The following FGB variants were observed in gnomAD, a reference collection of about 807,000 sequenced individuals.
FGB encodes the protein beta-fibrinogen.
A neutral mutation model predicts 57.9 loss-of-function variants in FGB; 25 were observed. The ratio of observed to expected loss-of-function variants is 0.43; its 90% CI spans 0.31 to 0.60. FGB has a LOEUF of 0.60. Ranked by LOEUF, FGB falls within the 20% of genes least tolerant of loss-of-function variation. The pLI is 0.08. For missense variants in FGB, 536 were observed against 598.4 expected, an observed-to-expected ratio of 0.90 and a Z score of 1.09; for synonymous variants, 203 against 199.2, an observed-to-expected ratio of 1.02 and a Z score of -0.16.
chr4:154,565,738 G>A (rs1340710420), intron 1 of FGB, 70 bp from the exon 2 acceptor site: 2 of 1,418,824 alleles, frequency 1.4e-6, no homozygotes, highest in Non-Finnish European at 2.0e-6. Flanking sequence ...ATAAAATGAG[G>A]GTGTTGGAAT....
At position 154,570,860 on chromosome 4, in the gene FGB, A is replaced by G; in HGVS notation, c.*210A>G. 1 of 596,628 alleles carries G rather than the reference A, an allele frequency of 1.7e-6. No homozygotes were observed. Among genetic ancestry groups the G allele is most frequent in the Admixed American group, 2.7e-5 (1 of 36,446 alleles). 37.0% of individuals were successfully genotyped at this position (596,628 alleles called of 1,614,324 possible). A position where few individuals can be genotyped will look rare whatever the true frequency, so the allele number is the denominator to read the frequency against. ...TTCTCTTGCTCACCAAGAAGTAACA[A>G]AAGTATAGTTTTGACAGAGTTGGTG... On this transcript the variant is annotated 3_prime_UTR_variant, in exon 8 of 8. Transcript: ENST00000302068.
At chr4:154,569,859 C>A in intron 7 of FGB, 60 bp downstream of exon 7, 1 of 1,586,380 alleles carries the variant, frequency 6.3e-7, no homozygotes. Flanking sequence ...TACTCAGAAT[C>A]ATTAACAATA....
Position 154,572,200 on chromosome 4 carries a change from C to T in FGB, c.*1550C>T, listed in dbSNP as rs1044291. ...ATTTTTGTCACATTAAGTTTTTCCC[C>T]ATTCCAGGACAGGTCAGGCCCTTTA... On this transcript the variant is annotated 3_prime_UTR_variant, in exon 8 of 8. Transcript: ENST00000302068. 0.26 allele frequency among the ~76,000 whole-genome samples: 38,958 copies of T among 152,010 alleles called. 5,574 individuals are homozygous for T. The highest frequency in any genetic ancestry group is 0.37 in the Middle Eastern group (109 of 294).
Position 154,569,600 on chromosome 4 carries a change from G to A in FGB, c.1045G>A (p.Gly349Arg), listed in dbSNP as rs761339656. 5.0e-6 allele frequency: 8 copies of A among 1,614,120 alleles called. No individual in the cohort carries two copies. The highest frequency in any genetic ancestry group is 8.5e-7 in the Non-Finnish European group (1 of 1,180,006). ...TTTGATAGAAATGGAGGACTGGAAA[G>A]GAGACAAAGTAAAGGCTCACTATGG... The part of the protein sequence containing the change: ...ELLIEMEDWK[G>R]DKVKAHYGGF... Residue 349 changes from glycine to arginine, a missense_variant, in exon 7 of 8, where the codon GGA becomes AGA. Transcript: ENST00000302068.
intron 1 of FGB, 63 bp downstream of exon 1, chr4:154,563,195 C>A: frequency 1.4e-6 from 1 of 716,316 alleles, no homozygotes; most frequent in Non-Finnish European, 2.4e-6. Flanking sequence ...GTAACATAAT[C>A]ATATTATGTG....
rs1730220778 is a variant in FGB at position 154,567,710 on chromosome 4, A to G, written c.608A>G (p.Glu203Gly). Residue 203 changes from glutamate to glycine, a missense_variant, in exon 4 of 8, where the codon GAA (glutamate) becomes GGA (glycine). Glu to Gly is a moderately conservative substitution (Grantham distance 98). This residue lies in a region of FGB where 354 missense variants were observed against 383.4 expected (regional missense o/e 0.92). Coordinates refer to ENST00000302068, the MANE Select transcript of FGB (RefSeq NM_005141.5). ...CTTCGTGTGCTTCGTTCAATCCTGG[A>G]AAACCTGAGAAGCAAAATACAAAAG... ...TNLRVLRSILENLRSKIQKLE... is the reference protein window; with the variant it reads ...TNLRVLRSILGNLRSKIQKLE... 6.2e-7 allele frequency: 1 copy of G among 1,613,980 alleles called. No individual in the cohort carries two copies. The highest frequency in any genetic ancestry group is 1.3e-5 in the African/African-American group (1 of 74,920).
chr4:154,566,057 T>G, intron 2 of FGB, 58 bp downstream of exon 2: 1 of 1,448,072 alleles, frequency 6.9e-7, no homozygotes, highest in Non-Finnish European at 9.6e-7. Flanking sequence ...AAGCCTGTAG[T>G]CATGGCAGTC....
chr4:154,570,274 G>GGT, intron 7 of FGB, 145 bp from the exon 8 acceptor site: 1 of 700,518 alleles, frequency 1.4e-6, no homozygotes, highest in Non-Finnish European at 2.6e-6. Context: ...GGAGGTCTTT[G>GGT]GTGTATTAGT....
chr4:154,566,605 C>T lies in FGB; in HGVS notation c.423C>T (p.Ser141=). ...NNNVEAVSQT[S]SSSFQYMYLL... is the part of the protein sequence containing the mutation. ...ATGTGGAAGCTGTTTCCCAGACCTC[C>T]TCTTCTTCCTTTCAGTACATGTATT... Residue 141 remains serine, a synonymous_variant, in exon 3 of 8, where the codon TCC becomes TCT. Coordinates refer to ENST00000302068, the MANE Select transcript of FGB (RefSeq NM_005141.5). 1 of 1,614,156 alleles carries T rather than the reference C, an allele frequency of 6.2e-7. No homozygotes were observed. The highest frequency in any genetic ancestry group is 8.5e-7 in the Non-Finnish European group (1 of 1,180,022).
At chr4:154,565,159 C>A in intron 1 of FGB, 1 of 461,064 alleles carries the variant, frequency 2.2e-6, no homozygotes, top group Non-Finnish European at 4.5e-6. Context: ...AAGGCAGATT[C>A]AAACTATCAT....
Sources: gnomAD v4.1 joint callset for allele counts (sites outside exome capture counted in the v4.1 genomes callset) on GRCh38, gnomAD v4.1.1 for gene constraint, gnomAD v4.1.1 regional missense constraint, MANE v1.5 for transcripts, NCBI Gene and HGNC (gene_info 2026-07-23, HGNC 2026-07-21) for gene names.